The following DGKI variants were observed in gnomAD, a reference collection of about 807,000 sequenced individuals.
DGKI encodes the protein DAG kinase iota.
In DGKI, 55 loss-of-function variants were observed where a neutral mutation model predicts 147.5. The ratio of observed to expected loss-of-function variants is 0.37; its 90% CI spans 0.30 to 0.47. The LOEUF (loss-of-function observed/expected upper bound fraction) is 0.47, where lower values mean the gene tolerates loss of function less well. DGKI is among the 20% of genes least tolerant of loss of function. The pLI is 1.00. For synonymous variants in DGKI, 469 were observed against 477.1 expected (o/e 0.98, Z 0.22); for missense variants, 1,007 against 1,323.8 (o/e 0.76, Z 3.71).
intron 20 of DGKI, among the ~76,000 whole-genome samples, chr7:137,544,490 T>C (rs1158805236): frequency 6.6e-6 from 1 of 152,206 alleles, no homozygotes; most frequent in African/African-American, 2.4e-5. Flanking sequence ...GAGCATAAAA[T>C]ACTGTCTGGC....
chr7:137,639,249 A>G (rs1246793451), intron 6 of DGKI, among the ~76,000 whole-genome samples: 3 of 152,230 alleles, frequency 2.0e-5, no homozygotes, highest in Admixed American at 2.0e-4. Flanking sequence ...TGGAATCAAA[A>G]CCGGAGATTT....
At chr7:137,440,136 T>C (rs1813440290) in intron 28 of DGKI, among the ~76,000 whole-genome samples, 1 of 152,122 alleles carries the variant, frequency 6.6e-6, no homozygotes, top group Non-Finnish European at 1.5e-5. Context: ...GCAATTTAAA[T>C]GACGAAGTGA....
intron 14 of DGKI, 66 bp downstream of exon 14, chr7:137,585,143 T>A (rs890929491): frequency 1.3e-6 from 2 of 1,570,074 alleles, no homozygotes; most frequent in Non-Finnish European, 1.7e-6. Context: ...CCAGCCAGGA[T>A]TTTTTTTCCT....
At chr7:137,726,510 A>G (rs1432822628) in intron 1 of DGKI, among the ~76,000 whole-genome samples, 1 of 152,236 alleles carries the variant, frequency 6.6e-6, no homozygotes, top group African/African-American at 2.4e-5. Flanking sequence ...ATGGTACTGG[A>G]TCATGATGTT....
chr7:137,687,558 A>G (rs1204032689), intron 2 of DGKI, among the ~76,000 whole-genome samples: 1 of 152,202 alleles, frequency 6.6e-6, no homozygotes, highest in African/African-American at 2.4e-5. Flanking sequence ...AGTTTTAGCC[A>G]AAGAAAAAGT....
At chr7:137,642,826 A>G (rs980394060) in intron 6 of DGKI, among the ~76,000 whole-genome samples, 1 of 152,082 alleles carries the variant, frequency 6.6e-6, no homozygotes, top group African/African-American at 2.4e-5. Flanking sequence ...CACTTCCTAA[A>G]AAATCTGTAA....
At chr7:137,675,571 G>T (rs1260387415) in intron 3 of DGKI, among the ~76,000 whole-genome samples, 1 of 151,578 alleles carries the variant, frequency 6.6e-6, no homozygotes. Context: ...TGTAACCCCA[G>T]CTACTCAGGA....
At chr7:137,419,235 C>A (rs1380590058) in intron 28 of DGKI, among the ~76,000 whole-genome samples, 1 of 152,198 alleles carries the variant, frequency 6.6e-6, no homozygotes, top group Non-Finnish European at 1.5e-5. Flanking sequence ...AGTAAATTTA[C>A]AGTTTTAAGG....
At chr7:137,831,199 G>A (rs1798208258) in intron 1 of DGKI, among the ~76,000 whole-genome samples, 1 of 152,192 alleles carries the variant, frequency 6.6e-6, no homozygotes, top group African/African-American at 2.4e-5. Context: ...ATTCGCCAAT[G>A]ATATTTTATC....
intron 11 of DGKI, among the ~76,000 whole-genome samples, chr7:137,598,688 T>C (rs77811397): frequency 6.6e-6 from 1 of 152,254 alleles, no homozygotes; most frequent in East Asian, 1.9e-4. Context: ...TCACAAAATA[T>C]GGTTTTTTTC....
chr7:137,620,062 A>ACC, intron 7 of DGKI, 122 bp from the exon 8 acceptor site: 1 of 656,578 alleles, frequency 1.5e-6, no homozygotes, highest in Non-Finnish European at 2.7e-6. Context: ...CACTCATTAC[A>ACC]TGCACAAAAA....
At chr7:137,723,541 A>C (rs1794627602) in intron 1 of DGKI, among the ~76,000 whole-genome samples, 1 of 152,172 alleles carries the variant, frequency 6.6e-6, no homozygotes, top group Non-Finnish European at 1.5e-5. Flanking sequence ...AAAAAAGCCC[A>C]ACAATGCCCC....
intron 27 of DGKI, among the ~76,000 whole-genome samples, chr7:137,449,318 C>A (rs1813857729): frequency 6.6e-6 from 1 of 152,058 alleles, no homozygotes; most frequent in South Asian, 2.1e-4. Context: ...GGATAGAGAG[C>A]CGGAAAATAA....
At chr7:137,831,618 T>A (rs767532760) in intron 1 of DGKI, among the ~76,000 whole-genome samples, 25 of 152,024 alleles carry the variant, frequency 1.6e-4, no homozygotes, top group Non-Finnish European at 3.5e-4. Context: ...GTTATGGGAG[T>A]ACAATTCAAG....
chr7:137,594,735 C>T (rs1304032506), intron 12 of DGKI, among the ~76,000 whole-genome samples: 3 of 152,160 alleles, frequency 2.0e-5, no homozygotes, highest in South Asian at 2.1e-4. Context: ...ACTCTGCCTC[C>T]GCCCACAATT....
At chr7:137,440,455 C>T (rs1882065) in intron 28 of DGKI, among the ~76,000 whole-genome samples, 52,530 of 152,084 alleles carry the variant, frequency 0.35, 9,923 homozygotes, top group East Asian at 0.65. Flanking sequence ...AGTAAATATA[C>T]TCTTGTTAGA....
chr7:137,550,568 T>C (rs1371164992), intron 20 of DGKI, among the ~76,000 whole-genome samples: 1 of 148,100 alleles, frequency 6.8e-6, no homozygotes, highest in Non-Finnish European at 1.5e-5. Context: ...GTGCCTTGAG[T>C]ACAAAAAGAA....
chr7:137,584,848 A>G (rs1032767529), intron 14 of DGKI, among the ~76,000 whole-genome samples: 1 of 152,234 alleles, frequency 6.6e-6, no homozygotes. Context: ...TTATATTTCT[A>G]CTGAAAGAAC....
intron 24 of DGKI, among the ~76,000 whole-genome samples, chr7:137,467,144 T>C (rs972623467): frequency 2.6e-5 from 4 of 152,194 alleles, no homozygotes; most frequent in Non-Finnish European, 4.4e-5. Flanking sequence ...AGCCCTTCCC[T>C]TTGCCTCTGC....
Sources: gnomAD v4.1 joint callset for allele counts (sites outside exome capture counted in the v4.1 genomes callset) on GRCh38, gnomAD v4.1.1 for gene constraint, MANE v1.5 for transcripts, NCBI Gene and HGNC (gene_info 2026-07-23, HGNC 2026-07-21) for gene names.